The following IARS1 variants were observed in gnomAD, a reference collection of about 807,000 sequenced individuals.
IARS1 encodes the protein isoleucine--tRNA ligase, cytoplasmic.
In IARS1, 124 loss-of-function variants were observed where a neutral mutation model predicts 168.2. The ratio of observed to expected loss-of-function variants is 0.74; its 90% confidence interval spans 0.64 to 0.86. The LOEUF is 0.86. Ranked by LOEUF, IARS1 falls within the 40% of genes least tolerant of loss-of-function variation. The probability of loss-of-function intolerance (pLI) is 0.00; values close to 1 mark genes in which losing one functional copy is unlikely to be tolerated. For synonymous variants in IARS1, 532 were observed against 529.4 expected, an observed-to-expected ratio of 1.00 and a Z score of -0.07; for missense variants, 1,452 against 1,515.8, an observed-to-expected ratio of 0.96 and a Z score of 0.70.
chr9:92,271,039 T>C lies in IARS1; in HGVS notation c.1151A>G (p.Gln384Arg). 1.2e-6 allele frequency: 2 copies of C among 1,611,500 alleles called. No individual in the cohort carries two copies. The change falls in exon 12 of 34, where the codon CAA (glutamine) becomes CGA (arginine). Residue 384 changes from glutamine (Q) to arginine (R), a missense_variant. Coordinates refer to ENST00000443024, the MANE Select transcript of IARS1 (RefSeq NM_002161.6). ...GGTGGTGGCAACCAGAAGTCGGCCT[T>C]GTTCCTTCAAAGTCCTGATGATACT... ...DKSIIRTLKE[Q>R]GRLLVATTFT...
intron 26 of IARS1, 116 bp downstream of exon 26, chr9:92,247,261 C>T (rs377405246): frequency 3.4e-5 from 29 of 858,286 alleles, no homozygotes; most frequent in African/African-American, 2.5e-4. Flanking sequence ...CAGGACACGA[C>T]GGGACACGAC....
At chr9:92,282,855 TATA>T (rs1456598556) in intron 6 of IARS1, among the ~76,000 whole-genome samples, 1 of 143,256 alleles carries the variant, frequency 7.0e-6, no homozygotes, top group African/African-American at 2.6e-5. Context: ...TATATATATA[TATA>T]TATTTTTTTT....
intron 30 of IARS1, 50 bp downstream of exon 30, chr9:92,240,806 C>T: frequency 9.1e-7 from 1 of 1,104,406 alleles, no homozygotes; most frequent in Non-Finnish European, 1.4e-6. Context: ...TTTTCACATC[C>T]ATAAGTATAA....
Position 92,287,859 on chromosome 9 carries a change from T to C in IARS1, c.328A>G (p.Lys110Glu), listed in dbSNP as rs371571385. Residue 110 changes from lysine to glutamate, a missense_variant, in exon 4 of 34, where the codon AAA becomes GAA. By Grantham distance (56) the Lys-to-Glu change is moderately conservative (BLOSUM62 1). Coordinates refer to ENST00000443024, the MANE Select transcript of IARS1 (RefSeq NM_002161.6). ...TTGTTATACTCTGTAATCCCCATTTTGGCCACATCCTCTGGTCCTCTGATT... is the reference window on the plus strand; with the variant it reads ...TTGTTATACTCTGTAATCCCCATTTCGGCCACATCCTCTGGTCCTCTGATT... Reference protein sequence around the residue: ...LGIRGPEDVAKMGITEYNNQC... With the variant: ...LGIRGPEDVAEMGITEYNNQC... 3.0e-4 allele frequency: 478 copies of C among 1,613,860 alleles called. No homozygotes were observed. The highest frequency in any genetic ancestry group is 3.8e-4 in the Non-Finnish European group (453 of 1,179,914).
At position 92,269,948 on chromosome 9, in the gene IARS1, C is replaced by T; in HGVS notation, c.1241G>A (p.Ser414Asn). The change falls in exon 13 of 34, where the codon AGC becomes AAC. Residue 414 changes from serine (S) to asparagine (N), a missense_variant. Ser to Asn is a conservative substitution (Grantham distance 46, BLOSUM62 1). Coordinates refer to ENST00000443024, the MANE Select transcript of IARS1 (RefSeq NM_002161.6). ...DTPLIYKAVPSWFVRVENMVD... is the reference protein window; with the variant it reads ...DTPLIYKAVPNWFVRVENMVD... ...CATGTTCTCCACTCGCACAAACCAG[C>T]TGGGCACTGCTTTGTAAATTAGAGG... 1 of 1,613,716 alleles carries T rather than the reference C, an allele frequency of 6.2e-7. No individual in the cohort carries two copies. Among genetic ancestry groups the T allele is most frequent in the Non-Finnish European group, 8.5e-7 (1 of 1,179,670 alleles).
chr9:92,277,619 G>A (rs1349334406), intron 9 of IARS1, among the ~76,000 whole-genome samples: 1 of 151,534 alleles, frequency 6.6e-6, no homozygotes, highest in Non-Finnish European at 1.5e-5. Flanking sequence ...AGGTTGCAGT[G>A]AGCTGTGATT....
chr9:92,218,841 A>C (rs1004105068), intron 33 of IARS1, among the ~76,000 whole-genome samples: 1 of 151,446 alleles, frequency 6.6e-6, no homozygotes, highest in Non-Finnish European at 1.5e-5. Context: ...AAATGGTCAT[A>C]CTGCCCAAGG....
intron 25 of IARS1, among the ~76,000 whole-genome samples, chr9:92,248,520 A>G (rs903006891): frequency 6.6e-6 from 1 of 151,712 alleles, no homozygotes; most frequent in African/African-American, 2.4e-5. Context: ...AAAAGCCTGT[A>G]CTACTATGCC....
At chr9:92,285,222 C>T (rs879431820) in intron 6 of IARS1, among the ~76,000 whole-genome samples, 1 of 152,192 alleles carries the variant, frequency 6.6e-6, no homozygotes, top group Non-Finnish European at 1.5e-5. Flanking sequence ...TAACAATACA[C>T]TCTGTAAACA....
intron 27 of IARS1, among the ~76,000 whole-genome samples, chr9:92,244,088 G>A (rs1218398906): frequency 6.6e-6 from 1 of 152,130 alleles, no homozygotes; most frequent in Non-Finnish European, 1.5e-5. Context: ...AGTCAGTGCA[G>A]GGCCACTACA....
intron 25 of IARS1, 78 bp downstream of exon 25, chr9:92,249,780 T>A: frequency 7.0e-6 from 5 of 711,412 alleles, no homozygotes; most frequent in Non-Finnish European, 2.4e-6. Flanking sequence ...ATAGAGTCAA[T>A]ATGTACTTTG....
intron 25 of IARS1, among the ~76,000 whole-genome samples, 199 bp from the exon 26 acceptor site, chr9:92,247,750 A>T (rs186342183): frequency 6.6e-6 from 1 of 152,358 alleles, no homozygotes; most frequent in African/African-American, 2.4e-5. Context: ...TGAAGCACTC[A>T]TATGTGCTAC....
intron 29 of IARS1, 55 bp from the exon 30 acceptor site, chr9:92,241,016 C>T (rs1828315439): frequency 3.1e-6 from 3 of 965,318 alleles, no homozygotes; most frequent in African/African-American, 3.2e-5. Context: ...TGCAATGTGC[C>T]ACACCATCGT....
At chr9:92,285,650 T>C (rs1835328982) in intron 6 of IARS1, 72 bp downstream of exon 6, 2 of 897,186 alleles carry the variant, frequency 2.2e-6, no homozygotes, top group Non-Finnish European at 3.7e-6. Flanking sequence ...TGGGAATACC[T>C]ACTGTGATCA....
intron 20 of IARS1, 113 bp from the exon 21 acceptor site, chr9:92,253,566 T>C (rs1378848662): frequency 1.5e-6 from 1 of 687,890 alleles, no homozygotes; most frequent in Admixed American, 2.6e-5. Context: ...GTGCCTCCAC[T>C]TACTAAGGAG....
chr9:92,242,365 T>C (rs761410657), intron 28 of IARS1, 35 bp from the exon 29 acceptor site: 4 of 1,535,162 alleles, frequency 2.6e-6, no homozygotes, highest in Non-Finnish European at 3.6e-6. Context: ...AAAAGGGAAG[T>C]ACATTCTATT....
intron 1 of IARS1, 175 bp downstream of exon 1, chr9:92,293,436 A>C (rs763015923): frequency 1.9e-6 from 1 of 532,726 alleles, no homozygotes; most frequent in Non-Finnish European, 3.9e-6. Flanking sequence ...CATTTCAAAC[A>C]CTACCTCATT....
At chr9:92,293,550 T>C in intron 1 of IARS1, 61 bp downstream of exon 1, 1 of 495,788 alleles carries the variant, frequency 2.0e-6, no homozygotes, top group Admixed American at 2.3e-5. Context: ...GTTTCGGGGT[T>C]GTAACGCGTG....
chr9:92,251,253 C>T, intron 22 of IARS1: 2 of 437,972 alleles, frequency 4.6e-6, no homozygotes, highest in Admixed American at 5.0e-5. Flanking sequence ...GCAGATTTTC[C>T]TTCGGTTAAG....
Sources: allele counts gnomAD v4.1 joint callset (sites outside exome capture counted in the v4.1 genomes callset), GRCh38; gene constraint gnomAD v4.1.1; transcripts MANE v1.5; gene names NCBI Gene and HGNC (gene_info 2026-07-23, HGNC 2026-07-21).